Variants in WWC1 observed in about 807,000 individuals in gnomAD.
WWC1 encodes WW and C2 domain containing 1, also known as protein KIBRA.
Under a neutral mutation model 138.4 loss-of-function variants are expected in WWC1, and 55 were observed. That is an observed-to-expected ratio of 0.40 (90% CI 0.32 to 0.50). WWC1 has a LOEUF of 0.50. Ranked by LOEUF, WWC1 falls within the 20% of genes least tolerant of loss-of-function variation. WWC1 has a pLI of 0.72. For missense variants in WWC1, 1,226 were observed against 1,420.4 expected, an observed-to-expected ratio of 0.86 and a Z score of 2.20; for synonymous variants, 524 against 564.9, an observed-to-expected ratio of 0.93 and a Z score of 1.03.
Position 168,428,749 on chromosome 5 carries a change from G to A in WWC1, c.1962G>A (p.Ser654=), listed in dbSNP as rs111786530. 32,685 of 1,613,814 alleles carry A rather than the reference G, an allele frequency of 0.02. 402 individuals are homozygous for A. The highest frequency in any genetic ancestry group is 0.024 in the Non-Finnish European group (28,905 of 1,179,854). ...CTGCTGCATTTGACAGTGACGAATC[G>A]GAAGCAGTGGGTGCGACCCGAATTC... The part of the protein sequence containing the change: ...SEAAAFDSDE[S]EAVGATRIQI... Residue 654 remains serine (S), a synonymous_variant, in exon 13 of 23, where the codon TCG becomes TCA. Transcript: ENST00000265293.
intron 17 of WWC1, among the ~76,000 whole-genome samples, chr5:168,447,300 A>G (rs906942748): frequency 1.3e-5 from 2 of 152,178 alleles, no homozygotes; most frequent in Non-Finnish European, 2.9e-5. Context: ...CCCTCCCGTA[A>G]TATCTGTTAC....
At chr5:168,301,717 T>A (rs951815797) in intron 1 of WWC1, among the ~76,000 whole-genome samples, 17 of 151,826 alleles carry the variant, frequency 1.1e-4, no homozygotes, top group African/African-American at 3.9e-4. Flanking sequence ...AGAACCTACC[T>A]ACCCCTGAGA....
intron 1 of WWC1, among the ~76,000 whole-genome samples, chr5:168,349,675 T>G (rs1320331536): frequency 6.6e-6 from 1 of 152,160 alleles, no homozygotes; most frequent in Non-Finnish European, 1.5e-5. Flanking sequence ...TGCTTCCTTC[T>G]TTCTCCGTCA....
chr5:168,442,205 T>C (rs1388025778), intron 16 of WWC1, among the ~76,000 whole-genome samples: 1 of 152,184 alleles, frequency 6.6e-6, no homozygotes, highest in African/African-American at 2.4e-5. Context: ...CTGGAGGCTT[T>C]GTATAAGAGG....
intron 15 of WWC1, among the ~76,000 whole-genome samples, chr5:168,436,682 A>C (rs1469623784): frequency 6.6e-6 from 1 of 152,002 alleles, no homozygotes; most frequent in African/African-American, 2.4e-5. Flanking sequence ...CAGGCCAGAC[A>C]CCTTGCAATC....
chr5:168,468,857 T>C, intron 22 of WWC1, 94 bp from the exon 23 acceptor site: 2 of 1,358,244 alleles, frequency 1.5e-6, no homozygotes, highest in South Asian at 2.4e-5. Context: ...AGCGAATGTA[T>C]AGGACAGCTC....
chr5:168,401,798 A>G (rs564355985), intron 5 of WWC1, among the ~76,000 whole-genome samples: 2 of 152,326 alleles, frequency 1.3e-5, no homozygotes, highest in East Asian at 1.9e-4. Flanking sequence ...AAGGCCTGGA[A>G]CCATGCTTTA....
intron 9 of WWC1, among the ~76,000 whole-genome samples, chr5:168,420,226 C>T (rs944442857): frequency 1.3e-5 from 2 of 152,118 alleles, no homozygotes; most frequent in Non-Finnish European, 2.9e-5. Context: ...TTTATTTTCT[C>T]ACAGTCTGGA....
intron 1 of WWC1, among the ~76,000 whole-genome samples, chr5:168,302,741 T>G (rs923276981): frequency 7.9e-5 from 12 of 152,224 alleles, no homozygotes; most frequent in African/African-American, 1.4e-4. Context: ...CTTCCTCTCC[T>G]GTTTCATCTG....
At chr5:168,467,737 G>A in intron 21 of WWC1, 103 bp from the exon 22 acceptor site, 2 of 1,516,128 alleles carry the variant, frequency 1.3e-6, no homozygotes, top group Non-Finnish European at 1.8e-6. Context: ...CAAGAGTGAG[G>A]GTGCCGTCCC....
chr5:168,349,838 C>T (rs1198191636), intron 1 of WWC1, among the ~76,000 whole-genome samples: 1 of 152,156 alleles, frequency 6.6e-6, no homozygotes, highest in African/African-American at 2.4e-5. Flanking sequence ...TCCACCAACC[C>T]CAGTTCTGTG....
chr5:168,345,302 G>A (rs1029332686), intron 1 of WWC1, among the ~76,000 whole-genome samples: 2 of 152,096 alleles, frequency 1.3e-5, no homozygotes, highest in African/African-American at 2.4e-5. Flanking sequence ...ACAGGGTTTT[G>A]CCATATTGGC....
chr5:168,459,272 AAAG>A lies in WWC1; in HGVS notation c.2824-1375_2824-1373del, dbSNP rs1361482997. Reference sequence around the variant, plus strand: ...CCTGTCTCAAAAAAAAAAAAAAAAAAAAGAAAGAAAGAAAGAGAAAGCCCCCTT... The same window carrying A: ...CCTGTCTCAAAAAAAAAAAAAAAAAAAAAGAAAGAAAGAGAAAGCCCCCTT... On this transcript the variant is annotated intron_variant, in intron 19 of 22. Coordinates refer to ENST00000265293, the MANE Select transcript of WWC1 (RefSeq NM_015238.3). 2.6e-3 allele frequency among the ~76,000 whole-genome samples: 372 copies of A among 140,884 alleles called. 3 individuals are homozygous for A. The highest frequency in any genetic ancestry group is 9.9e-3 in the African/African-American group (334 of 33,848). The allele number at this position is 140,884 out of a possible 152,430, so 92.4% of individuals were successfully genotyped here.
intron 1 of WWC1, among the ~76,000 whole-genome samples, chr5:168,343,660 A>G (rs566604574): frequency 2.6e-5 from 4 of 152,122 alleles, no homozygotes; most frequent in Admixed American, 2.6e-4. Flanking sequence ...CGTCTCTACT[A>G]AAAATACAAA....
At chr5:168,454,254 A>G (rs1162865751) in intron 18 of WWC1, among the ~76,000 whole-genome samples, 154 bp downstream of exon 18, 1 of 152,116 alleles carries the variant, frequency 6.6e-6, no homozygotes, top group Non-Finnish European at 1.5e-5. Flanking sequence ...CATTCTGGTG[A>G]TAGTAAACCA....
intron 1 of WWC1, among the ~76,000 whole-genome samples, chr5:168,352,312 G>A (rs532712047): frequency 1.3e-5 from 2 of 152,298 alleles, no homozygotes; most frequent in South Asian, 4.1e-4. Context: ...TCCTTTGCCT[G>A]GGTGGCTTCT....
intron 15 of WWC1, among the ~76,000 whole-genome samples, chr5:168,433,078 C>T (rs1056984698): frequency 3.9e-5 from 6 of 152,374 alleles, no homozygotes; most frequent in Middle Eastern, 3.4e-3. Flanking sequence ...ACCAGCCTTG[C>T]CCTTCCAGCT....
chr5:168,390,694 T>TG (rs1778417290), intron 3 of WWC1, among the ~76,000 whole-genome samples: 1 of 152,256 alleles, frequency 6.6e-6, no homozygotes, highest in African/African-American at 2.4e-5. Flanking sequence ...TCAGATGGCT[T>TG]GCCAGGGCTT....
chr5:168,429,885 C>T (rs999330762), intron 13 of WWC1, among the ~76,000 whole-genome samples: 1 of 152,032 alleles, frequency 6.6e-6, no homozygotes, highest in African/African-American at 2.4e-5. Context: ...CCATGAGCCC[C>T]GATCATGCCA....
Sources: allele counts gnomAD v4.1 joint callset (sites outside exome capture counted in the v4.1 genomes callset), GRCh38; gene constraint gnomAD v4.1.1; transcripts MANE v1.5; gene names NCBI Gene and HGNC (gene_info 2026-07-23, HGNC 2026-07-21).